EIF4E3: variants seen among roughly 807,000 people sequenced by gnomAD.
EIF4E3 encodes eukaryotic translation initiation factor 4E family member 3.
In EIF4E3, 26 loss-of-function variants were observed where a neutral mutation model predicts 31.7. That is an observed-to-expected ratio of 0.82 (90% CI 0.60 to 1.14). EIF4E3 has a LOEUF of 1.14. Among genes scored for constraint, EIF4E3 ranks in the 50% most tolerant of loss-of-function variants. EIF4E3 has a pLI of 0.00. For synonymous variants in EIF4E3, 128 were observed against 107.7 expected, an observed-to-expected ratio of 1.19 and a Z score of -1.17; for missense variants, 304 against 270.9, an observed-to-expected ratio of 1.12 and a Z score of -0.86.
At chr3:71,746,001 C>T (rs1018097394) in intron 1 of EIF4E3, among the ~76,000 whole-genome samples, 3 of 152,188 alleles carry the variant, frequency 2.0e-5, no homozygotes, top group Admixed American at 6.5e-5. Flanking sequence ...AATACTGCCA[C>T]CTATGCCGTT....
At chr3:71,706,988 T>C (rs549520749) in intron 2 of EIF4E3, among the ~76,000 whole-genome samples, 64 of 152,352 alleles carry the variant, frequency 4.2e-4, no homozygotes, top group Non-Finnish European at 7.3e-4. Context: ...TCAAAAGTTA[T>C]TGATAAGTTA....
At chr3:71,698,705 A>T (rs550742429) in intron 3 of EIF4E3, among the ~76,000 whole-genome samples, 10 of 152,194 alleles carry the variant, frequency 6.6e-5, no homozygotes, top group Non-Finnish European at 1.2e-4. Context: ...TGGGCTCGTG[A>T]GTACTGACAA....
At chr3:71,727,182 ATAG>A (rs2049650433), upstream of EIF4E3, among the ~76,000 whole-genome samples, 1 of 152,230 alleles carries the variant, frequency 6.6e-6, no homozygotes, top group South Asian at 2.1e-4. Context: ...CAAGCTGTGA[ATAG>A]TAGGTCTCCC....
upstream of EIF4E3, chr3:71,754,085 C>A: frequency 7.5e-7 from 1 of 1,332,720 alleles, no homozygotes. This position sits in a 1 kb window ranked among gnomAD's most constrained non-coding sequence, Gnocchi z 5.8. Context: ...GCAGCGGCGG[C>A]GGCGAGGCGG....
At chr3:71,694,289 A>C (rs778243672) in intron 4 of EIF4E3, among the ~76,000 whole-genome samples, 2 of 152,232 alleles carry the variant, frequency 1.3e-5, no homozygotes, top group East Asian at 3.8e-4. Context: ...CAAAACATAG[A>C]AGCTGATTAT....
intron 6 of EIF4E3, among the ~76,000 whole-genome samples, chr3:71,689,641 A>G (rs1267025883): frequency 6.6e-6 from 1 of 152,156 alleles, no homozygotes; most frequent in Non-Finnish European, 1.5e-5. Context: ...TTATGAAGGG[A>G]TGATTGAATA....
intron 3 of EIF4E3, among the ~76,000 whole-genome samples, chr3:71,698,054 C>T (rs1342508766): frequency 1.3e-5 from 2 of 152,194 alleles, no homozygotes. Flanking sequence ...GCTCCCCTTT[C>T]TCCACACCCT....
upstream of EIF4E3, chr3:71,754,016 C>T (rs1265789745): frequency 8.9e-7 from 1 of 1,129,016 alleles, no homozygotes; most frequent in African/African-American, 1.7e-5. This position sits in a 1 kb window ranked among gnomAD's most constrained non-coding sequence, Gnocchi z 5.8. Flanking sequence ...AGGGGACGGC[C>T]CCGGGGCGGA....
At chr3:71,668,925 A>G in the EIF4E3 span, among the ~76,000 whole-genome samples, 6 of 152,198 alleles carry the variant, frequency 3.9e-5, no homozygotes, top group Non-Finnish European at 8.8e-5. Flanking sequence ...AAATCATTCT[A>G]CTATAAAGAC....
chr3:71,686,543 A>AGAGTGT lies in EIF4E3; in HGVS notation c.629-1816_629-1815insACACTC, dbSNP rs1553659503. The stretch of plus-strand genomic sequence containing the variant: ...TTAACTTTGCAAATATTTCACATTG[A>AGAGTGT]GTGTGTGTGTGTGTGTGTGTGTGTG... On this transcript the variant is annotated intron_variant, in intron 6 of 6. Coordinates refer to ENST00000425534, the MANE Select transcript of EIF4E3 (RefSeq NM_001134651.2). Among the ~76,000 whole-genome samples the AGAGTGT allele has an allele frequency of 8.6e-4, 124 of 143,598 alleles. 2 individuals are homozygous for AGAGTGT. In the South Asian group the frequency reaches 0.012, roughly 14 times the overall value. 94.2% of individuals were successfully genotyped at this position (143,598 alleles called of 152,430 possible). A position where few individuals can be genotyped will look rare whatever the true frequency, so the allele number is the denominator to read the frequency against.
At chr3:71,691,384 T>C (rs1461495198) in intron 5 of EIF4E3, among the ~76,000 whole-genome samples, 1 of 152,236 alleles carries the variant, frequency 6.6e-6, no homozygotes, top group African/African-American at 2.4e-5. Context: ...TCCTTTCTTT[T>C]CTCCATTCTT....
Position 71,696,514 on chromosome 3 carries a change from C to T in EIF4E3, c.351G>A (p.Glu117=). 6.2e-7 allele frequency: 1 copy of T among 1,614,170 alleles called. No individual in the cohort carries two copies. The highest frequency in any genetic ancestry group is 8.5e-7 in the Non-Finnish European group (1 of 1,180,020). ...ATACGCCACCCTTTGCATTACTCTC[C>T]TCTTCCCTGGGCCAAAGACCAACGT... The part of the protein sequence containing the change: ...MRGERRPLWE[E]ESNAKGGVWK... The change falls in exon 4 of 7, where the codon GAG becomes GAA. Residue 117 remains glutamate, a synonymous_variant. Transcript: ENST00000425534.
At chr3:71,740,077 C>G (rs922387095) in intron 1 of EIF4E3, among the ~76,000 whole-genome samples, 1 of 151,098 alleles carries the variant, frequency 6.6e-6, no homozygotes, top group Non-Finnish European at 1.5e-5. Context: ...ACTAAAATAA[C>G]AAAGCAAAGA....
intron 1 of EIF4E3, among the ~76,000 whole-genome samples, chr3:71,724,576 T>C (rs2049600836): frequency 6.6e-6 from 1 of 152,178 alleles, no homozygotes; most frequent in Non-Finnish European, 1.5e-5. Flanking sequence ...CAGCTGCTGC[T>C]CATTATTGAA....
the EIF4E3 span, among the ~76,000 whole-genome samples, chr3:71,662,692 A>C: frequency 6.6e-6 from 1 of 152,144 alleles, no homozygotes; most frequent in East Asian, 1.9e-4. Flanking sequence ...TGTAAAACCA[A>C]ACCAAACAAA....
chr3:71,687,050 G>A (rs1415240353), intron 6 of EIF4E3, among the ~76,000 whole-genome samples: 1 of 152,232 alleles, frequency 6.6e-6, no homozygotes, highest in African/African-American at 2.4e-5. Context: ...GCCCAGGCTA[G>A]AGTGCAATGG....
chr3:71,717,823 A>G (rs2049487766), intron 1 of EIF4E3, among the ~76,000 whole-genome samples: 1 of 152,204 alleles, frequency 6.6e-6, no homozygotes, highest in African/African-American at 2.4e-5. Flanking sequence ...ATCCTACTTC[A>G]ATAATGTGAG....
intron 3 of EIF4E3, among the ~76,000 whole-genome samples, chr3:71,697,625 T>G (rs747114894): frequency 9.9e-5 from 15 of 152,110 alleles, no homozygotes; most frequent in East Asian, 3.9e-4. Flanking sequence ...TTCAGGGTTT[T>G]TTTTTTTTAA....
intron 5 of EIF4E3, among the ~76,000 whole-genome samples, chr3:71,692,495 C>T (rs2049076255): frequency 6.6e-6 from 1 of 152,206 alleles, no homozygotes; most frequent in Non-Finnish European, 1.5e-5. Flanking sequence ...TATAATTATA[C>T]ACAGGATACA....
Sources: allele counts gnomAD v4.1 joint callset (sites outside exome capture counted in the v4.1 genomes callset), GRCh38; gene constraint gnomAD v4.1.1; non-coding constraint Gnocchi (gnomAD v3.1); transcripts MANE v1.5; gene names NCBI Gene and HGNC (gene_info 2026-07-23, HGNC 2026-07-21).